The following ARSL variants were observed in gnomAD, a reference collection of about 807,000 sequenced individuals.
ARSL encodes arylsulfatase L.
ARSL carries 4 observed loss-of-function variants against 31.1 expected under a neutral mutation model. The ratio of observed to expected loss-of-function variants is 0.13; its 90% CI spans 0.06 to 0.29. The LOEUF (loss-of-function observed/expected upper bound fraction) is 0.29. ARSL is among the 10% of genes least tolerant of loss of function. ARSL has a pLI of 1.00. For synonymous variants in ARSL, 198 were observed against 209.9 expected, an observed-to-expected ratio of 0.94 and a Z score of 0.49; for missense variants, 312 against 497.8, an observed-to-expected ratio of 0.63 and a Z score of 3.55.
At chrX:2,957,490 C>T (rs2089541551) in intron 3 of ARSL, among the ~76,000 whole-genome samples, 1 of 109,637 alleles carries the variant, frequency 9.1e-6, no homozygotes, top group Non-Finnish European at 1.9e-5. Flanking sequence ...GGGTGAATCA[C>T]TTGAGGCCAG....
chrX:2,943,276 C>G, intron 7 of ARSL, 77 bp from the exon 8 acceptor site: 1 of 1,126,325 alleles, frequency 8.9e-7, no homozygotes, highest in East Asian at 3.1e-5. Context: ...TATGCTTTAG[C>G]ATTCGGGGGC....
intron 8 of ARSL, among the ~76,000 whole-genome samples, 182 bp downstream of exon 8, chrX:2,942,883 C>T (rs1359272751): frequency 9.0e-6 from 1 of 111,388 alleles, no homozygotes; most frequent in Non-Finnish European, 1.9e-5. Context: ...GCCTGACCCT[C>T]AGTTTGGTCC....
rs1458318986 is a variant in ARSL, at chrX:2,945,120, G to C, written c.991+878C>G. On this transcript the variant is annotated intron_variant, in intron 7 of 10. Coordinates refer to ENST00000381134, the MANE Select transcript of ARSL (RefSeq NM_000047.3). ...AATGGGGGAGAAGATGATTGGGGAG[G>C]AGCTACTTTAGGGGTGCGTCAGGGC... Among the ~76,000 whole-genome samples the C allele has an allele frequency of 2.7e-5, 3 of 111,032 alleles. No individual in the cohort carries two copies. The East Asian group carries it at 8.6e-4, about 32-fold the overall frequency.
At chrX:2,962,493 T>C (rs1202150441) in intron 1 of ARSL, among the ~76,000 whole-genome samples, 5 of 108,503 alleles carry the variant, frequency 4.6e-5, no homozygotes, top group African/African-American at 1.7e-4. Context: ...TCTGTCCAGG[T>C]GAAACCTGAC....
Position 2,943,120 on chromosome X carries a change from G to T in ARSL, c.1071C>A (p.Ser357=). ...LIYFTSDHGG[S]LENQLGNTQY... is the part of the protein sequence containing the mutation. ...GGGTGTTTCCAAGTTGATTCTCTAG[G>T]GAACCGCCGTGATCCGACGTAAAAT... The change falls in exon 8 of 11, where the codon TCC becomes TCA. Residue 357 remains serine, a synonymous_variant. Coordinates refer to ENST00000381134, the MANE Select transcript of ARSL (RefSeq NM_000047.3). The T allele has an allele frequency of 8.3e-7, 1 of 1,210,999 alleles. No homozygotes were observed. The highest frequency in any genetic ancestry group is 1.8e-5 in the South Asian group (1 of 56,905).
chrX:2,955,954 T>C (rs2089518893), intron 3 of ARSL, among the ~76,000 whole-genome samples: 1 of 112,398 alleles, frequency 8.9e-6, no homozygotes, highest in Non-Finnish European at 1.9e-5. Flanking sequence ...GAGGATTGCT[T>C]GAGCTCAGGA....
intron 2 of ARSL, among the ~76,000 whole-genome samples, chrX:2,960,140 G>A (rs1357204926): frequency 6.9e-5 from 6 of 87,079 alleles, no homozygotes; most frequent in East Asian, 3.2e-4. Flanking sequence ...GTGGTGGCAG[G>A]CGCCTGTAGT....
At chrX:2,963,533 C>CTTTTTTTTTTTTTTT in intron 1 of ARSL, among the ~76,000 whole-genome samples, 1 of 59,805 alleles carries the variant, frequency 1.7e-5, no homozygotes, top group Non-Finnish European at 2.9e-5. Flanking sequence ...TTTTCTTTTC[C>CTTTTTTTTTTTTTTT]TTTTTTTTTT....
At chrX:2,959,845 C>G in intron 2 of ARSL, 1 of 583,963 alleles carries the variant, frequency 1.7e-6, no homozygotes, top group Non-Finnish European at 2.4e-6. Context: ...TGCCTGAGCC[C>G]AGGTGTTTAA....
intron 2 of ARSL, chrX:2,959,982 A>AAAGAAAG (rs1303007121): frequency 4.3e-6 from 1 of 233,977 alleles, no homozygotes; most frequent in Non-Finnish European, 7.5e-6. Flanking sequence ...AGAAAGAAAG[A>AAAGAAAG]AAAGAGGCCG....
intron 7 of ARSL, among the ~76,000 whole-genome samples, chrX:2,945,085 A>G (rs1005988406): frequency 2.7e-5 from 3 of 110,614 alleles, no homozygotes; most frequent in South Asian, 3.9e-4. Context: ...ACAAAAAAGG[A>G]CCACAGGAGA....
In ARSL at chrX:2,934,801, A is replaced by G. The variant is rs1292233670; in HGVS notation, c.*31T>C. 1 of 1,167,180 alleles carries G rather than the reference A, an allele frequency of 8.6e-7. No homozygotes were observed. Among genetic ancestry groups the G allele is most frequent in the South Asian group, 1.9e-5 (1 of 53,660 alleles). ...TTCAATTTGAGTGACAAAATTTAGG[A>G]ATCGGGGCTCCAGCTTTTCACTGCA... On this transcript the variant is annotated 3_prime_UTR_variant, in exon 11 of 11. Coordinates refer to ENST00000381134, the MANE Select transcript of ARSL (RefSeq NM_000047.3).
rs371284329 is a variant in ARSL at position 2,958,368 on chromosome X, T to C, written c.91A>G (p.Ser31Gly). 2.5e-6 allele frequency: 3 copies of C among 1,211,932 alleles called. No homozygotes were observed. Among genetic ancestry groups the C allele is most frequent in the East Asian group, 3.0e-5 (1 of 33,842 alleles). ...TTCGGTCGGGAGGCGGAAATGTCGC[T>C]GGAAGCTGATGGTGCCAAACTTAGC... ...VLLSLAPSAS[S>G]DISASRPNIL... Residue 31 changes from serine (S) to glycine (G), a missense_variant, in exon 3 of 11, where the codon AGC (serine) becomes GGC (glycine). Transcript: ENST00000381134.
chrX:2,959,675 G>C (rs1479362950), intron 2 of ARSL: 5 of 1,150,957 alleles, frequency 4.3e-6, no homozygotes, highest in Non-Finnish European at 5.7e-6. Context: ...GGAGCCTGGA[G>C]CACATCTATT....
At chrX:2,943,967 CTA>C (rs1569102256) in intron 7 of ARSL, among the ~76,000 whole-genome samples, 2 of 109,131 alleles carry the variant, frequency 1.8e-5, no homozygotes, top group Non-Finnish European at 3.8e-5. Flanking sequence ...CTCTTTGAGC[CTA>C]TGAGTTTGAG....
chrX:2,955,269 A>G, intron 4 of ARSL, 147 bp downstream of exon 4: 1 of 772,514 alleles, frequency 1.3e-6, no homozygotes, highest in Non-Finnish European at 1.8e-6. Context: ...TTTTGAGCCC[A>G]GCATTTCAAG....
intron 7 of ARSL, 140 bp downstream of exon 7, chrX:2,945,858 A>T: frequency 1.2e-6 from 1 of 802,472 alleles, no homozygotes; most frequent in Non-Finnish European, 1.8e-6. Context: ...TCTGTGCTAT[A>T]ATATTTTGCA....
chrX:2,964,320 C>A lies in ARSL; in HGVS notation c.-117G>T. 5 of 753,989 alleles carry A rather than the reference C, an allele frequency of 6.6e-6. No individual in the cohort carries two copies. Among genetic ancestry groups the A allele is most frequent in the African/African-American group, 2.3e-5 (1 of 43,678 alleles). The allele number at this position is 753,989 out of a possible 1,213,427, so 62.1% of individuals were successfully genotyped here. ...GAAGGCAGAGAGCACTTGCACAAGG[C>A]TTTGAGCTGGGAATGATTAACTTCG... On this transcript the variant is annotated 5_prime_UTR_variant, in exon 1 of 11. Coordinates refer to ENST00000381134, the MANE Select transcript of ARSL (RefSeq NM_000047.3).
At chrX:2,944,053 C>T (rs185720387) in intron 7 of ARSL, among the ~76,000 whole-genome samples, 1 of 110,681 alleles carries the variant, frequency 9.0e-6, no homozygotes, top group Admixed American at 9.7e-5. Flanking sequence ...GTAGTGCACA[C>T]CTGTGGTCCC....
Sources: gnomAD v4.1 joint callset for allele counts (sites outside exome capture counted in the v4.1 genomes callset) on GRCh38, gnomAD v4.1.1 for gene constraint, MANE v1.5 for transcripts, NCBI Gene and HGNC (gene_info 2026-07-23, HGNC 2026-07-21) for gene names.